KLRG1: variants seen among roughly 807,000 people sequenced by gnomAD.
KLRG1 encodes the protein killer cell lectin-like receptor subfamily G member 1.
In KLRG1, 16 loss-of-function variants were observed where a neutral mutation model predicts 21.8. That is an observed-to-expected ratio of 0.73 (90% CI 0.50 to 1.11). KLRG1 has a LOEUF of 1.11. Ranked by LOEUF, KLRG1 falls within the 50% of genes most tolerant of loss-of-function variation. KLRG1 has a pLI of 0.00. For synonymous variants in KLRG1, 69 were observed against 75.9 expected (o/e 0.91, Z 0.47); for missense variants, 173 against 218.3 (o/e 0.79, Z 1.31).
At chr12:9,077,502 G>A in the KLRG1 span, 1 of 1,485,880 alleles carries the variant, frequency 6.7e-7, no homozygotes, top group Non-Finnish European at 9.2e-7. Context: ...CTGTGTCATG[G>A]AATTCATCCT....
chr12:9,080,104 G>C, the KLRG1 span: 1 of 1,585,412 alleles, frequency 6.3e-7, no homozygotes, highest in Non-Finnish European at 8.6e-7. Context: ...CCAAAACTGA[G>C]ACAGAAGCTC....
chr12:9,095,406 T>A, the KLRG1 span: 1 of 825,734 alleles, frequency 1.2e-6, no homozygotes, highest in Non-Finnish European at 1.8e-6. Context: ...CTGCTATTAG[T>A]AGAGAAGCCA....
chr12:9,047,880 G>A, the KLRG1 span, among the ~76,000 whole-genome samples: 7 of 152,140 alleles, frequency 4.6e-5, no homozygotes, highest in African/African-American at 1.4e-4. Flanking sequence ...GGCAAAAACC[G>A]ATAGAACTGC....
intron 1 of KLRG1, among the ~76,000 whole-genome samples, chr12:8,957,348 G>A (rs1036636731): frequency 3.3e-5 from 5 of 152,150 alleles, no homozygotes; most frequent in African/African-American, 1.2e-4. Flanking sequence ...TGCCTTTTCT[G>A]TCTTAACGAA....
At chr12:9,194,135 C>T in the KLRG1 span, 1 of 1,613,986 alleles carries the variant, frequency 6.2e-7, no homozygotes. Flanking sequence ...CTGTGCAAGA[C>T]CCTGCTCATT....
chr12:9,157,172 C>T, the KLRG1 span: 1 of 1,612,084 alleles, frequency 6.2e-7, no homozygotes, highest in Non-Finnish European at 8.5e-7. Flanking sequence ...TAAGTGCTCT[C>T]ACCTTCTTTC....
At chr12:9,029,215 T>A in the KLRG1 span, 95 of 173,690 alleles carry the variant, frequency 5.5e-4, no homozygotes, top group Middle Eastern at 0.025. Flanking sequence ...TAAAATTTTT[T>A]ATTTATTTAT....
the KLRG1 span, among the ~76,000 whole-genome samples, chr12:9,039,275 A>G: frequency 6.6e-6 from 1 of 152,276 alleles, no homozygotes; most frequent in African/African-American, 2.4e-5. Flanking sequence ...TGAGAATAGA[A>G]GAATGAGAAA....
the KLRG1 span, among the ~76,000 whole-genome samples, chr12:9,182,549 TA>T: frequency 4.6e-5 from 7 of 152,020 alleles, no homozygotes; most frequent in Admixed American, 6.6e-5. Flanking sequence ...GCTCTGTATG[TA>T]AAAAAAAGTT....
At chr12:9,120,414 A>AAC in the KLRG1 span, among the ~76,000 whole-genome samples, 1 of 152,212 alleles carries the variant, frequency 6.6e-6, no homozygotes, top group African/African-American at 2.4e-5. Flanking sequence ...AATACAGGAA[A>AAC]ACACATAACA....
chr12:9,102,605 A>G, the KLRG1 span, among the ~76,000 whole-genome samples: 53 of 152,272 alleles, frequency 3.5e-4, 1 homozygote, highest in African/African-American at 1.2e-3. Flanking sequence ...TTCTTCCTGT[A>G]GAAGTTATTC....
chr12:9,101,241 G>A, the KLRG1 span: 343 of 1,544,938 alleles, frequency 2.2e-4, 1 homozygote, highest in African/African-American at 4.2e-3. Flanking sequence ...AATTAAATGT[G>A]CCAGAGAGAA....
At chr12:9,153,267 A>G in the KLRG1 span, 2 of 1,614,132 alleles carry the variant, frequency 1.2e-6, no homozygotes, top group Admixed American at 3.3e-5. Context: ...CTGAACGGTG[A>G]CCTGTGCAGT....
At chr12:9,058,799 G>GGAA in the KLRG1 span, 1 of 152,750 alleles carries the variant, frequency 6.5e-6, no homozygotes, top group Non-Finnish European at 1.5e-5. Context: ...AGGCTGGCAG[G>GGAA]GGCCCCACCT....
intron 3 of KLRG1, among the ~76,000 whole-genome samples, chr12:9,001,539 T>A (rs1947307768): frequency 6.6e-6 from 1 of 152,180 alleles, no homozygotes; most frequent in South Asian, 2.1e-4. Flanking sequence ...GCCCCAGCCC[T>A]AAGTCAGATT....
At chr12:9,026,743 C>T in the KLRG1 span, among the ~76,000 whole-genome samples, 1 of 151,952 alleles carries the variant, frequency 6.6e-6, no homozygotes, top group Non-Finnish European at 1.5e-5. Context: ...ATGCCACCTG[C>T]TTATTTGTCA....
intron 1 of KLRG1, among the ~76,000 whole-genome samples, chr12:8,977,422 G>A (rs1016881274): frequency 7.0e-6 from 1 of 142,328 alleles, no homozygotes; most frequent in Non-Finnish European, 1.5e-5. Flanking sequence ...CACCATGTTA[G>A]CCAGGATGGT....
chr12:9,109,034 T>TTGTGTG, the KLRG1 span, among the ~76,000 whole-genome samples: 52 of 151,228 alleles, frequency 3.4e-4, no homozygotes, highest in Non-Finnish European at 5.8e-4. Flanking sequence ...CCTTCCCATT[T>TTGTGTG]TGTGTGTGTG....
chr12:9,042,408 A>T, the KLRG1 span, among the ~76,000 whole-genome samples: 1 of 152,232 alleles, frequency 6.6e-6, no homozygotes, highest in Non-Finnish European at 1.5e-5. Context: ...CAGGGTCAAG[A>T]TTTCAAGATT....
Sources: allele counts gnomAD v4.1 joint callset (sites outside exome capture counted in the v4.1 genomes callset), GRCh38; gene constraint gnomAD v4.1.1; transcripts MANE v1.5; gene names NCBI Gene and HGNC (gene_info 2026-07-23, HGNC 2026-07-21).